The following DNAJC11 variants were observed in gnomAD, a reference collection of about 807,000 sequenced individuals.
DNAJC11 encodes the protein DnaJ heat shock protein family (Hsp40) member C11.
A neutral mutation model predicts 78.6 loss-of-function variants in DNAJC11; 15 were observed. The observed-to-expected ratio is 0.19, with a 90% CI of 0.13 to 0.29. The LOEUF (loss-of-function observed/expected upper bound fraction) is 0.29. DNAJC11 is among the 10% of genes least tolerant of loss of function. The pLI is 1.00. For missense variants in DNAJC11, 547 were observed against 709.6 expected (o/e 0.77, Z 2.60); for synonymous variants, 292 against 272.1 (o/e 1.07, Z -0.72).
chr1:6,657,474 C>T (rs886586810), intron 4 of DNAJC11, among the ~76,000 whole-genome samples: 1 of 152,170 alleles, frequency 6.6e-6, no homozygotes, highest in East Asian at 1.9e-4. Flanking sequence ...AGCACCATCC[C>T]ATCACAGTCA....
chr1:6,694,188 G>A (rs1465139395), intron 1 of DNAJC11, among the ~76,000 whole-genome samples: 2 of 151,112 alleles, frequency 1.3e-5, no homozygotes, highest in Non-Finnish European at 1.5e-5. Flanking sequence ...CCCTTTCCCC[G>A]GTACCCTGCT....
intron 3 of DNAJC11, among the ~76,000 whole-genome samples, chr1:6,668,682 CATCAGCCTCCCAA>C (rs1642329384): frequency 6.6e-6 from 1 of 151,982 alleles, no homozygotes; most frequent in Non-Finnish European, 1.5e-5. Flanking sequence ...GATCCTCCCA[CATCAGCCTCCCAA>C]AGTGCTGGGA....
chr1:6,638,693 A>G (rs1641825404), intron 11 of DNAJC11, among the ~76,000 whole-genome samples: 1 of 152,140 alleles, frequency 6.6e-6, no homozygotes, highest in African/African-American at 2.4e-5. Flanking sequence ...TATTTTTTTA[A>G]TTTTAATTTT....
At chr1:6,646,285 G>A (rs1035654060) in intron 7 of DNAJC11, among the ~76,000 whole-genome samples, 8 of 152,156 alleles carry the variant, frequency 5.3e-5, no homozygotes, top group Admixed American at 5.2e-4. Flanking sequence ...TAGAATGGAT[G>A]GGGGCCGAGG....
chr1:6,655,958 C>T (rs765880987), intron 4 of DNAJC11, among the ~76,000 whole-genome samples: 15 of 150,978 alleles, frequency 9.9e-5, no homozygotes, highest in Admixed American at 6.0e-4. Context: ...AAAAATTAGC[C>T]GGGCGTGGTG....
At chr1:6,681,214 A>G (rs1167714079) in intron 1 of DNAJC11, among the ~76,000 whole-genome samples, 177 bp from the exon 2 acceptor site, 2 of 152,196 alleles carry the variant, frequency 1.3e-5, no homozygotes, top group African/African-American at 2.4e-5. Flanking sequence ...GCCAGTTAAT[A>G]AAGTGATCAA....
rs548515504 is a variant in DNAJC11 at position 6,643,522 on chromosome 1, G to A, written c.1097+1036C>T. Among the ~76,000 whole-genome samples the A allele has an allele frequency of 8.4e-4, 127 of 151,896 alleles. 2 individuals are homozygous for A. In the South Asian group the frequency reaches 0.016, roughly 20 times the overall value. ...AATCTCCTGACCTCGTGATCTGCCC[G>A]CCTTGGCCTCCCAAAGTGCTGGGAT... On this transcript the variant is annotated intron_variant, in intron 10 of 15. Transcript: ENST00000377577.
At chr1:6,669,567 AAAGAAAAG>A (rs1642346397) in intron 3 of DNAJC11, among the ~76,000 whole-genome samples, 2 of 148,874 alleles carry the variant, frequency 1.3e-5, no homozygotes, top group South Asian at 2.1e-4. Flanking sequence ...AAAGAAAAGA[AAAGAAAAG>A]AAGGCATTTC....
At chr1:6,656,644 T>C (rs1642130631) in intron 4 of DNAJC11, among the ~76,000 whole-genome samples, 1 of 150,950 alleles carries the variant, frequency 6.6e-6, no homozygotes, top group African/African-American at 2.4e-5. Flanking sequence ...TTTGGGAGGC[T>C]GAGGTGGAGG....
intron 4 of DNAJC11, among the ~76,000 whole-genome samples, chr1:6,660,148 C>T (rs1170170518): frequency 2.0e-5 from 3 of 149,820 alleles, no homozygotes; most frequent in African/African-American, 7.3e-5. Flanking sequence ...TTTCTCTCTC[C>T]TTCTAATATA....
chr1:6,637,763 C>T (rs1641805143), intron 12 of DNAJC11: 2 of 570,868 alleles, frequency 3.5e-6, no homozygotes, highest in African/African-American at 1.9e-5. Flanking sequence ...GTGGGAGCTC[C>T]CTTTCTAGGG....
chr1:6,693,984 CG>C (rs2147886427), intron 1 of DNAJC11, among the ~76,000 whole-genome samples: 1 of 151,916 alleles, frequency 6.6e-6, no homozygotes, highest in South Asian at 2.1e-4. Flanking sequence ...TACAGGCGCC[CG>C]CCATCAAGTC....
chr1:6,641,403 A>T, intron 10 of DNAJC11, among the ~76,000 whole-genome samples: 1 of 147,482 alleles, frequency 6.8e-6, no homozygotes, highest in Admixed American at 6.8e-5. Flanking sequence ...ATATATATAT[A>T]TATACACACA....
At chr1:6,698,662 C>T (rs865829731) in intron 1 of DNAJC11, among the ~76,000 whole-genome samples, 3 of 151,490 alleles carry the variant, frequency 2.0e-5, no homozygotes, top group Admixed American at 6.6e-5. Context: ...TATTTTTTGG[C>T]TGGGTGCAGT....
At chr1:6,667,304 A>G (rs891605236) in intron 4 of DNAJC11, among the ~76,000 whole-genome samples, 1 of 151,920 alleles carries the variant, frequency 6.6e-6, no homozygotes, top group African/African-American at 2.4e-5. Context: ...CTGCTGCCTC[A>G]ATGCTTAGGT....
At chr1:6,665,898 C>A (rs1190968709) in intron 4 of DNAJC11, among the ~76,000 whole-genome samples, 1 of 152,182 alleles carries the variant, frequency 6.6e-6, no homozygotes, top group South Asian at 2.1e-4. Context: ...ACCTTCCAAG[C>A]CAGACCTCCC....
At chr1:6,696,373 T>C (rs1642836042) in intron 1 of DNAJC11, among the ~76,000 whole-genome samples, 1 of 152,206 alleles carries the variant, frequency 6.6e-6, no homozygotes. Flanking sequence ...GCCTTTTACA[T>C]GTCAATTTCT....
intron 1 of DNAJC11, among the ~76,000 whole-genome samples, chr1:6,690,625 A>G (rs577671184): frequency 2.9e-4 from 44 of 152,286 alleles, no homozygotes; most frequent in African/African-American, 1.0e-3. Context: ...GTTGTCCTTC[A>G]CTTAAAACCC....
intron 1 of DNAJC11, among the ~76,000 whole-genome samples, chr1:6,693,188 T>C (rs954095361): frequency 2.6e-5 from 4 of 151,998 alleles, no homozygotes; most frequent in Non-Finnish European, 5.9e-5. Flanking sequence ...GTTGGGACTG[T>C]AAGGCGTGAG....
Sources: gnomAD v4.1 joint callset for allele counts (sites outside exome capture counted in the v4.1 genomes callset) on GRCh38, gnomAD v4.1.1 for gene constraint, MANE v1.5 for transcripts, NCBI Gene and HGNC (gene_info 2026-07-23, HGNC 2026-07-21) for gene names.